The following AP1S3 variants were observed in gnomAD, a reference collection of about 807,000 sequenced individuals.
The protein encoded by AP1S3 is AP-1 complex subunit sigma-3.
In AP1S3, 10 loss-of-function variants were observed where a neutral mutation model predicts 20.9. The observed-to-expected ratio is 0.48, with a 90% CI of 0.29 to 0.81. The LOEUF (loss-of-function observed/expected upper bound fraction) is 0.81. AP1S3 is among the 30% of genes least tolerant of loss of function. The pLI is 0.08. For missense variants in AP1S3, 154 were observed against 183.8 expected (o/e 0.84, Z 0.94); for synonymous variants, 41 against 61.5 (o/e 0.67, Z 1.56).
Position 223,757,109 on chromosome 2 carries a change from C to A in AP1S3, c.*1606G>T, listed in dbSNP as rs1480078061. 3 of 570,252 alleles carry A rather than the reference C, an allele frequency of 5.3e-6. No individual in the cohort carries two copies. The highest frequency in any genetic ancestry group is 2.2e-6 in the Non-Finnish European group (1 of 450,638). 35.3% of individuals were successfully genotyped at this position (570,252 alleles called of 1,614,324 possible). On this transcript the variant is annotated 3_prime_UTR_variant, in exon 5 of 5. Transcript: ENST00000396654. ...GGTTCAAGCCATTCCCCTGCCTCAG[C>A]CCCCTGAGTAGCTGGGATTACAGGC...
At chr2:223,776,361 G>C (rs1183456161) in intron 2 of AP1S3, among the ~76,000 whole-genome samples, 4 of 152,150 alleles carry the variant, frequency 2.6e-5, no homozygotes, top group Non-Finnish European at 5.9e-5. Context: ...GCCCTGACCA[G>C]TGCTGTCAGG....
chr2:223,813,906 A>G (rs1249382461), intron 1 of AP1S3, among the ~76,000 whole-genome samples: 1 of 152,244 alleles, frequency 6.6e-6, no homozygotes, highest in Non-Finnish European at 1.5e-5. Flanking sequence ...CAATAAGCAC[A>G]TGTCCTATTC....
chr2:223,761,329 C>T (rs1390931486), intron 4 of AP1S3, among the ~76,000 whole-genome samples: 1 of 152,158 alleles, frequency 6.6e-6, no homozygotes, highest in African/African-American at 2.4e-5. Flanking sequence ...ATGGTTTACG[C>T]TTTTAAGGGT....
chr2:223,816,986 G>A (rs1048496859), intron 1 of AP1S3, among the ~76,000 whole-genome samples: 1 of 152,130 alleles, frequency 6.6e-6, no homozygotes, highest in African/African-American at 2.4e-5. Context: ...TTAGCTAGGT[G>A]TGGTGATGCA....
intron 1 of AP1S3, among the ~76,000 whole-genome samples, chr2:223,783,571 G>A (rs1372634659): frequency 6.6e-6 from 1 of 152,222 alleles, no homozygotes; most frequent in Non-Finnish European, 1.5e-5. Context: ...GAAGCACGAA[G>A]CGCAGCAGCA....
At chr2:223,776,507 T>A (rs1479632216) in intron 2 of AP1S3, among the ~76,000 whole-genome samples, 1 of 152,110 alleles carries the variant, frequency 6.6e-6, no homozygotes, top group African/African-American at 2.4e-5. Context: ...ATTTACTCCA[T>A]TGAATATCAA....
chr2:223,802,025 T>C (rs1436104908), intron 1 of AP1S3, among the ~76,000 whole-genome samples: 1 of 152,180 alleles, frequency 6.6e-6, no homozygotes, highest in Non-Finnish European at 1.5e-5. Flanking sequence ...ATCTAACTAG[T>C]TTAGCTTGAT....
chr2:223,780,353 AGAGAGTGTGTGTGTGTGT>A (rs1690911925), intron 1 of AP1S3, among the ~76,000 whole-genome samples: 1 of 58,576 alleles, frequency 1.7e-5, no homozygotes, highest in Non-Finnish European at 2.8e-5. Context: ...AGAGAGAGAG[AGAGAGTGTGTGTGTGTGT>A]GTGTGTGTGT....
At chr2:223,810,885 C>A (rs536675120) in intron 1 of AP1S3, among the ~76,000 whole-genome samples, 1 of 152,074 alleles carries the variant, frequency 6.6e-6, no homozygotes, top group Non-Finnish European at 1.5e-5. Flanking sequence ...TTTACTGTAA[C>A]ATTCTTTTAA....
intron 1 of AP1S3, 37 bp from the exon 2 acceptor site, chr2:223,777,906 C>G (rs1690828778): frequency 1.3e-6 from 2 of 1,566,994 alleles, no homozygotes; most frequent in Admixed American, 3.6e-5. Flanking sequence ...ACCTGATCAA[C>G]CAAGTCACTC....
At chr2:223,789,001 C>T (rs976727863) in intron 1 of AP1S3, among the ~76,000 whole-genome samples, 1 of 152,092 alleles carries the variant, frequency 6.6e-6, no homozygotes, top group Non-Finnish European at 1.5e-5. Flanking sequence ...ATGAAGCCTC[C>T]AGTCAACCTG....
intron 1 of AP1S3, among the ~76,000 whole-genome samples, chr2:223,786,230 G>T (rs1191075364): frequency 3.3e-5 from 5 of 152,208 alleles, no homozygotes; most frequent in Non-Finnish European, 7.3e-5. Context: ...CATAGGTAAG[G>T]ATCATTACAA....
intron 1 of AP1S3, among the ~76,000 whole-genome samples, chr2:223,799,695 C>A (rs1001802917): frequency 6.6e-6 from 1 of 152,124 alleles, no homozygotes; most frequent in African/African-American, 2.4e-5. Flanking sequence ...AATAATAACT[C>A]ATTCCTAGAC....
intron 1 of AP1S3, among the ~76,000 whole-genome samples, chr2:223,832,135 C>CTCTCTGTGTGTGTG (rs1327430961): frequency 1.4e-5 from 1 of 70,738 alleles, no homozygotes; most frequent in African/African-American, 4.2e-5. Flanking sequence ...AGTTTTCTCT[C>CTCTCTGTGTGTGTG]TGTGTGTGTG....
intron 1 of AP1S3, among the ~76,000 whole-genome samples, chr2:223,807,873 T>C (rs1464578452): frequency 1.6e-5 from 2 of 123,910 alleles, no homozygotes; most frequent in African/African-American, 6.2e-5. Context: ...TTTTCTTTTT[T>C]TTTTTTTTTT....
At chr2:223,824,094 T>C (rs1692059549) in intron 1 of AP1S3, among the ~76,000 whole-genome samples, 2 of 152,120 alleles carry the variant, frequency 1.3e-5, no homozygotes, top group South Asian at 4.1e-4. Context: ...AGGGCTCAAT[T>C]GATCTTCCCA....
chr2:223,824,846 T>C (rs1692085394), intron 1 of AP1S3, among the ~76,000 whole-genome samples: 1 of 152,062 alleles, frequency 6.6e-6, no homozygotes, highest in African/African-American at 2.4e-5. Context: ...AAAAGGAAGG[T>C]ATTACTATTT....
chr2:223,833,807 C>G (rs1321648363), intron 1 of AP1S3, among the ~76,000 whole-genome samples: 1 of 152,250 alleles, frequency 6.6e-6, no homozygotes, highest in Non-Finnish European at 1.5e-5. Context: ...GAAGCGCCTT[C>G]ACACGCATTC....
intron 1 of AP1S3, among the ~76,000 whole-genome samples, chr2:223,817,826 C>A (rs1691883804): frequency 6.6e-6 from 1 of 151,858 alleles, no homozygotes; most frequent in Non-Finnish European, 1.5e-5. Context: ...ATTTTCTGAT[C>A]ATCATCTAAC....
Sources: gnomAD v4.1 joint callset for allele counts (sites outside exome capture counted in the v4.1 genomes callset) on GRCh38, gnomAD v4.1.1 for gene constraint, MANE v1.5 for transcripts, NCBI Gene and HGNC (gene_info 2026-07-23, HGNC 2026-07-21) for gene names.